UBASH3B: variants seen among roughly 807,000 people sequenced by gnomAD.
The protein encoded by UBASH3B is ubiquitin-associated and SH3 domain-containing protein B.
Under a neutral mutation model 83.4 loss-of-function variants are expected in UBASH3B, and 37 were observed. The ratio of observed to expected loss-of-function variants is 0.44; its 90% CI spans 0.34 to 0.58. The LOEUF (loss-of-function observed/expected upper bound fraction) is 0.58, where lower values mean the gene tolerates loss of function less well. Among genes scored for constraint, UBASH3B ranks in the 20% least tolerant of loss-of-function variants. The pLI is 0.01. For synonymous variants in UBASH3B, 304 were observed against 318.3 expected (o/e 0.96, Z 0.48); for missense variants, 657 against 827.2 (o/e 0.79, Z 2.52).
intron 1 of UBASH3B, among the ~76,000 whole-genome samples, chr11:122,697,782 T>C (rs552261982): frequency 6.6e-6 from 1 of 152,258 alleles, no homozygotes; most frequent in African/African-American, 2.4e-5. Flanking sequence ...CGTTGCACCA[T>C]AGATACATGG....
chr11:122,778,619 T>A (rs571492223), intron 3 of UBASH3B, among the ~76,000 whole-genome samples: 17 of 151,628 alleles, frequency 1.1e-4, no homozygotes, highest in Admixed American at 5.9e-4. Context: ...TTTTTTTTTT[T>A]ATGGATATAT....
chr11:122,776,283 G>C lies in UBASH3B; in HGVS notation c.215+11G>C. ...GGCAGCATGTGACTGGTTGGTATGA[G>C]ATAAATAAATTGAGAAAATAGCATA... On this transcript the variant is annotated intron_variant, in intron 2 of 13. Transcript: ENST00000284273. 2 of 1,600,216 alleles carry C rather than the reference G, an allele frequency of 1.2e-6. No homozygotes were observed. Among genetic ancestry groups the C allele is most frequent in the Non-Finnish European group, 1.7e-6 (2 of 1,174,668 alleles).
chr11:122,666,214 C>G (rs983275278), intron 1 of UBASH3B, among the ~76,000 whole-genome samples: 18 of 152,188 alleles, frequency 1.2e-4, no homozygotes, highest in Non-Finnish European at 2.9e-5. Flanking sequence ...CCTGCTTCCA[C>G]GTTGATGGTG....
At chr11:122,681,694 GCACA>G (rs35104730) in intron 1 of UBASH3B, among the ~76,000 whole-genome samples, 8 of 150,050 alleles carry the variant, frequency 5.3e-5, no homozygotes, top group African/African-American at 1.2e-4. Context: ...GTACACACAT[GCACA>G]CACACACACA....
intron 1 of UBASH3B, among the ~76,000 whole-genome samples, chr11:122,663,658 A>G (rs932484736): frequency 2.0e-5 from 3 of 152,234 alleles, no homozygotes; most frequent in South Asian, 2.1e-4. Context: ...CCCAGCCGGC[A>G]TAAGCCTGTG....
intron 9 of UBASH3B, 142 bp downstream of exon 9, chr11:122,797,175 C>G: frequency 8.3e-7 from 1 of 1,197,932 alleles, no homozygotes; most frequent in Non-Finnish European, 1.2e-6. Flanking sequence ...ACTTACTACA[C>G]AACCATTAAG....
At chr11:122,779,740 A>C (rs1305738350) in intron 4 of UBASH3B, 45 bp downstream of exon 4, 1 of 1,609,048 alleles carries the variant, frequency 6.2e-7, no homozygotes, top group Admixed American at 1.7e-5. Context: ...TGTCAATCAA[A>C]GAGTTGGAAA....
Position 122,810,873 on chromosome 11 carries a change from C to T in UBASH3B, c.*987C>T, listed in dbSNP as rs1861434821. 1 of 152,088 alleles carries T rather than the reference C, an allele frequency of 6.6e-6. No individual in the cohort carries two copies. Among genetic ancestry groups the T allele is most frequent in the African/African-American group, 2.4e-5 (1 of 41,406 alleles). 9.4% of individuals were successfully genotyped at this position (152,088 alleles called of 1,614,324 possible). On this transcript the variant is annotated 3_prime_UTR_variant, in exon 14 of 14. Transcript: ENST00000284273. ...ATATGGACATGTTTGCAAACCATACCAAGGGTCAGGTTGTTGTACACTTAC... is the reference window on the plus strand; with the variant it reads ...ATATGGACATGTTTGCAAACCATACTAAGGGTCAGGTTGTTGTACACTTAC...
At chr11:122,731,587 G>A (rs947591980) in intron 1 of UBASH3B, among the ~76,000 whole-genome samples, 8 of 152,156 alleles carry the variant, frequency 5.3e-5, no homozygotes, top group African/African-American at 1.9e-4. Flanking sequence ...ATTCACTACT[G>A]CATCCACAGC....
chr11:122,783,255 G>A, intron 5 of UBASH3B, 33 bp downstream of exon 5: 1 of 1,604,072 alleles, frequency 6.2e-7, no homozygotes, highest in Non-Finnish European at 8.5e-7. Context: ...GAAGCTACCA[G>A]GTGCAGGGAT....
intron 1 of UBASH3B, among the ~76,000 whole-genome samples, chr11:122,753,500 T>TC (rs1420294846): frequency 7.2e-6 from 1 of 138,648 alleles, no homozygotes; most frequent in African/African-American, 2.9e-5. Flanking sequence ...TTTCTTTCTT[T>TC]TTTTTTTTTT....
intron 1 of UBASH3B, among the ~76,000 whole-genome samples, chr11:122,660,817 T>C (rs538353331): frequency 6.6e-6 from 1 of 152,316 alleles, no homozygotes; most frequent in South Asian, 2.1e-4. Flanking sequence ...CTTTTTAATG[T>C]TTCCAGTGAT....
At chr11:122,712,636 G>T (rs1239417469) in intron 1 of UBASH3B, among the ~76,000 whole-genome samples, 1 of 152,104 alleles carries the variant, frequency 6.6e-6, no homozygotes, top group Admixed American at 6.6e-5. Flanking sequence ...GTACCCAACA[G>T]CCCTGACTAG....
chr11:122,760,446 C>T (rs756868598), intron 1 of UBASH3B, among the ~76,000 whole-genome samples: 6 of 152,112 alleles, frequency 3.9e-5, no homozygotes, highest in South Asian at 4.1e-4. Flanking sequence ...CTGCAACCTC[C>T]GCCTCCCGGG....
intron 1 of UBASH3B, among the ~76,000 whole-genome samples, chr11:122,711,629 T>G (rs1417720366): frequency 6.6e-6 from 1 of 152,224 alleles, no homozygotes; most frequent in Non-Finnish European, 1.5e-5. Flanking sequence ...TTGGCCTCAT[T>G]ACTACCTCAT....
intron 1 of UBASH3B, among the ~76,000 whole-genome samples, chr11:122,734,826 A>G (rs1405205163): frequency 1.3e-5 from 2 of 151,958 alleles, no homozygotes; most frequent in Non-Finnish European, 2.9e-5. Context: ...AAGAAAAAGA[A>G]AAAACCCTTA....
intron 5 of UBASH3B, 69 bp downstream of exon 5, chr11:122,783,291 T>C (rs1348983610): frequency 1.9e-6 from 3 of 1,546,142 alleles, no homozygotes; most frequent in East Asian, 4.5e-5. Flanking sequence ...AGCTCGCTGC[T>C]GCAGGGAGAT....
At chr11:122,703,188 G>A (rs1864067523) in intron 1 of UBASH3B, among the ~76,000 whole-genome samples, 1 of 152,118 alleles carries the variant, frequency 6.6e-6, no homozygotes, top group Admixed American at 6.5e-5. Context: ...AGCACTTTGG[G>A]AGGCTGAGGT....
At chr11:122,702,303 G>C (rs972048537) in intron 1 of UBASH3B, among the ~76,000 whole-genome samples, 19 of 152,308 alleles carry the variant, frequency 1.2e-4, no homozygotes, top group African/African-American at 4.1e-4. Flanking sequence ...AGCATGGAGA[G>C]AGAAGAGTCT....
Sources: allele counts gnomAD v4.1 joint callset (sites outside exome capture counted in the v4.1 genomes callset), GRCh38; gene constraint gnomAD v4.1.1; transcripts MANE v1.5; gene names NCBI Gene and HGNC (gene_info 2026-07-23, HGNC 2026-07-21).